IL6ST: variants seen among roughly 807,000 people sequenced by gnomAD.
The protein encoded by IL6ST is interleukin-6 receptor subunit beta.
Under a neutral mutation model 91.3 loss-of-function variants are expected in IL6ST, and 24 were observed. That is an observed-to-expected ratio of 0.26 (90% confidence interval 0.19 to 0.37). IL6ST has a LOEUF of 0.37. Ranked by LOEUF, IL6ST falls within the 10% of genes least tolerant of loss-of-function variation. The probability of loss-of-function intolerance (pLI) is 1.00; values close to 1 mark genes in which losing one functional copy is unlikely to be tolerated. For missense variants in IL6ST, 914 were observed against 1,078.5 expected, an observed-to-expected ratio of 0.85 and a Z score of 2.14; for synonymous variants, 351 against 373.6, an observed-to-expected ratio of 0.94 and a Z score of 0.70.
intron 8 of IL6ST, chr5:55,959,696 G>A: frequency 1.7e-6 from 2 of 1,207,000 alleles, no homozygotes; most frequent in Non-Finnish European, 2.2e-6. Flanking sequence ...ATGAATAAAA[G>A]GTATAATACA....
chr5:55,973,532 T>C (rs535460385), intron 3 of IL6ST, among the ~76,000 whole-genome samples: 2 of 152,306 alleles, frequency 1.3e-5, no homozygotes, highest in Admixed American at 6.5e-5. Context: ...TTTTGGACAA[T>C]GGCCCCAGCA....
chr5:55,961,495 C>T (rs967790414), intron 7 of IL6ST, among the ~76,000 whole-genome samples: 1 of 152,116 alleles, frequency 6.6e-6, no homozygotes, highest in Non-Finnish European at 1.5e-5. Flanking sequence ...CGGTGGCTCA[C>T]GCTTGTAATC....
chr5:55,984,070 G>A (rs1432119355), intron 1 of IL6ST, among the ~76,000 whole-genome samples: 2 of 151,592 alleles, frequency 1.3e-5, no homozygotes, highest in African/African-American at 4.9e-5. Flanking sequence ...TTTCTGTAAA[G>A]GGCCAGATAA....
rs1750658747 is a variant in IL6ST at position 55,938,244 on chromosome 5, G to C, written c.*2838C>G. 1 of 193,258 alleles carries C rather than the reference G, an allele frequency of 5.2e-6. No individual in the cohort carries two copies. Among genetic ancestry groups the C allele is most frequent in the Non-Finnish European group, 1.1e-5 (1 of 92,558 alleles). The allele number at this position is 193,258 out of a possible 1,614,324, so 12.0% of individuals were successfully genotyped here. Reference sequence around the variant, plus strand: ...TTTAAATGAACAATTAGGTAGAGAAGAGGTATGAACACAGAACATGTGAAT... The same window carrying C: ...TTTAAATGAACAATTAGGTAGAGAACAGGTATGAACACAGAACATGTGAAT... On this transcript the variant is annotated 3_prime_UTR_variant, in exon 17 of 17. Transcript: ENST00000381298.
At chr5:55,967,483 G>A (rs539452958) in intron 5 of IL6ST, among the ~76,000 whole-genome samples, 1 of 150,910 alleles carries the variant, frequency 6.6e-6, no homozygotes, top group South Asian at 2.1e-4. Flanking sequence ...AATCTTGACT[G>A]AAACAAATGT....
rs757244636 is a variant in IL6ST, at chr5:55,963,405, T to G, written c.760A>C (p.Ile254Leu). Reference sequence around the variant, plus strand: ...CTATATTGAATGTTATATTTTAGTATTATAACACTCTTAATACTTGGGTTG... The same window carrying G: ...CTATATTGAATGTTATATTTTAGTAGTATAACACTCTTAATACTTGGGTTG... Reference protein sequence around the residue: ...WTNPSIKSVIILKYNIQYRTK... With the variant: ...WTNPSIKSVILLKYNIQYRTK... Residue 254 changes from isoleucine to leucine, a missense_variant, in exon 7 of 17, where the codon ATA (isoleucine) becomes CTA (leucine). By Grantham distance (5) the Ile-to-Leu change is conservative. Coordinates refer to ENST00000381298, the MANE Select transcript of IL6ST (RefSeq NM_002184.4). The G allele has an allele frequency of 6.3e-7, 1 of 1,598,290 alleles. No homozygotes were observed. Among genetic ancestry groups the G allele is most frequent in the African/African-American group, 1.3e-5 (1 of 74,546 alleles).
chr5:55,941,934 C>A, intron 16 of IL6ST, 115 bp from the exon 17 acceptor site: 1 of 857,530 alleles, frequency 1.2e-6, no homozygotes, highest in Non-Finnish European at 1.8e-6. Context: ...TATTATGTCA[C>A]TAAGTCACTG....
At chr5:55,956,367 C>G in intron 9 of IL6ST, 132 bp from the exon 10 acceptor site, 1 of 615,292 alleles carries the variant, frequency 1.6e-6, no homozygotes, top group Non-Finnish European at 2.8e-6. Context: ...TTCACAATCT[C>G]CATTTTAAAT....
rs1383268484 is a variant in IL6ST, at chr5:55,940,715, T to C, written c.*367A>G. ...TGATGACTATTCTAATCAAAATCAG[T>C]ATAGCTGTGCTCACTAAGCATATCA... is the stretch of plus-strand genomic sequence containing the variant. On this transcript the variant is annotated 3_prime_UTR_variant, in exon 17 of 17. Transcript: ENST00000381298. The C allele has an allele frequency of 1.1e-5, 3 of 261,060 alleles. No homozygotes were observed. The highest frequency in any genetic ancestry group is 2.2e-5 in the Non-Finnish European group (3 of 135,128). 16.2% of individuals were successfully genotyped at this position (261,060 alleles called of 1,614,324 possible). A position where few individuals can be genotyped will look rare whatever the true frequency, so the allele number is the denominator to read the frequency against.
chr5:55,974,642 C>T (rs528612725), intron 3 of IL6ST, among the ~76,000 whole-genome samples: 2 of 152,100 alleles, frequency 1.3e-5, no homozygotes, highest in Admixed American at 6.6e-5. Flanking sequence ...GCGGCACTAC[C>T]GCCTGGCTAA....
intron 1 of IL6ST, among the ~76,000 whole-genome samples, chr5:55,988,783 AG>A (rs1211524372): frequency 6.8e-6 from 1 of 146,220 alleles, no homozygotes; most frequent in East Asian, 2.0e-4. Flanking sequence ...AAAAAAAAAA[AG>A]CTCTCCTACA....
chr5:55,982,438 T>C (rs1008105089), intron 2 of IL6ST, among the ~76,000 whole-genome samples: 1 of 152,162 alleles, frequency 6.6e-6, no homozygotes, highest in African/African-American at 2.4e-5. Context: ...CACAGTACAG[T>C]GTTACTGTGA....
intron 5 of IL6ST, among the ~76,000 whole-genome samples, chr5:55,964,605 G>T (rs996372161): frequency 6.6e-6 from 1 of 151,950 alleles, no homozygotes; most frequent in Admixed American, 6.6e-5. Context: ...ATTTCCTTGT[G>T]ATCCCAGTGC....
In IL6ST at chr5:55,935,514, TCTTA is replaced by T. The variant is rs1750455896; in HGVS notation, c.*5564_*5567del. The T allele has an allele frequency of 9.3e-6, 2 of 214,996 alleles. No individual in the cohort carries two copies. The highest frequency in any genetic ancestry group is 1.9e-5 in the Non-Finnish European group (2 of 106,582). The allele number at this position is 214,996 out of a possible 1,614,324, so 13.3% of individuals were successfully genotyped here. ...GAGAACCCAAGCAGCCTTTCCATGA[TCTTA>T]CTAAGTTGTCCAAGAGCCAACCCCG... On this transcript the variant is annotated 3_prime_UTR_variant, in exon 17 of 17. Transcript: ENST00000381298.
chr5:55,985,906 A>G (rs1252520399), intron 1 of IL6ST, among the ~76,000 whole-genome samples: 1 of 152,244 alleles, frequency 6.6e-6, no homozygotes, highest in African/African-American at 2.4e-5. Context: ...ACCATAGAAA[A>G]TACATAAACA....
In IL6ST at chr5:55,964,205, G is replaced by A; in HGVS notation, c.599C>T (p.Ala200Val). Residue 200 changes from alanine (A) to valine (V), a missense_variant, in exon 6 of 17, where the codon GCA becomes GTA. Ala to Val is a moderately conservative substitution (Grantham distance 64). Transcript: ENST00000381298. ...TGTAACCTTCCCAAGGGCATTCTCTGCTTCTACCCAGACTTCAATGTTGAC... is the reference window on the plus strand; with the variant it reads ...TGTAACCTTCCCAAGGGCATTCTCTACTTCTACCCAGACTTCAATGTTGAC... The part of the protein sequence containing the change: ...YFVNIEVWVE[A>V]ENALGKVTSD... 6.2e-7 allele frequency: 1 copy of A among 1,610,092 alleles called. No homozygotes were observed. The highest frequency in any genetic ancestry group is 8.5e-7 in the Non-Finnish European group (1 of 1,177,532).
At chr5:55,970,524 T>TA (rs948945002) in intron 3 of IL6ST, among the ~76,000 whole-genome samples, 3 of 151,874 alleles carry the variant, frequency 2.0e-5, no homozygotes, top group Non-Finnish European at 4.4e-5. Flanking sequence ...CCATCTGTAC[T>TA]AAAAACAAAA....
Position 55,969,705 on chromosome 5 carries a change from A to G in IL6ST, c.215T>C (p.Phe72Ser), listed in dbSNP as rs777196478. ...ANYIVWKTNHFTIPKEQYTII... is the reference protein window; with the variant it reads ...ANYIVWKTNHSTIPKEQYTII... ...AGTATATTGCTCCTTAGGAATAGTA[A>G]AATGGTTTGTTTTCCAGACAATGTA... The change falls in exon 4 of 17, where the codon TTT becomes TCT. Residue 72 changes from phenylalanine (F) to serine (S), a missense_variant. By Grantham distance (155) the Phe-to-Ser change is radical. Coordinates refer to ENST00000381298, the MANE Select transcript of IL6ST (RefSeq NM_002184.4). 3 of 1,612,906 alleles carry G rather than the reference A, an allele frequency of 1.9e-6. No individual in the cohort carries two copies. The African/African-American group carries it at 4.0e-5, about 22-fold the overall frequency.
intron 15 of IL6ST, among the ~76,000 whole-genome samples, chr5:55,944,055 G>A (rs1275724667): frequency 3.3e-5 from 5 of 152,140 alleles, no homozygotes; most frequent in African/African-American, 7.2e-5. Flanking sequence ...TCCAGCCTGG[G>A]CAACAAGAGT....
Sources: gnomAD v4.1 joint callset for allele counts (sites outside exome capture counted in the v4.1 genomes callset) on GRCh38, gnomAD v4.1.1 for gene constraint, MANE v1.5 for transcripts, NCBI Gene and HGNC (gene_info 2026-07-23, HGNC 2026-07-21) for gene names.